ADAM18: variants seen among roughly 807,000 people sequenced by gnomAD.
The protein encoded by ADAM18 is ADAM metallopeptidase domain 18, also known as disintegrin and metalloproteinase domain-containing protein 18.
A neutral mutation model predicts 94.4 loss-of-function variants in ADAM18; 117 were observed. The ratio of observed to expected loss-of-function variants is 1.24; its 90% CI spans 1.07 to 1.45. The LOEUF (loss-of-function observed/expected upper bound fraction) is 1.45, where lower values mean the gene tolerates loss of function less well. Ranked by LOEUF, ADAM18 falls within the 40% of genes most tolerant of loss-of-function variation. The pLI is 0.00. For missense variants in ADAM18, 936 were observed against 880.0 expected (o/e 1.06, Z -0.81); for synonymous variants, 327 against 291.6 (o/e 1.12, Z -1.24).
At chr8:39,622,216 C>T (rs910645592) in intron 6 of ADAM18, among the ~76,000 whole-genome samples, 3 of 150,984 alleles carry the variant, frequency 2.0e-5, no homozygotes, top group Non-Finnish European at 3.0e-5. Context: ...CATCAGCACA[C>T]AAGGCAAAAT....
chr8:39,620,952 G>A (rs1291459014), intron 6 of ADAM18, among the ~76,000 whole-genome samples: 1 of 151,840 alleles, frequency 6.6e-6, no homozygotes, highest in Non-Finnish European at 1.5e-5. Context: ...TAAAAGCTCT[G>A]AGTTCACCAC....
intron 17 of ADAM18, among the ~76,000 whole-genome samples, chr8:39,704,760 A>C (rs1031452556): frequency 6.6e-6 from 1 of 152,070 alleles, no homozygotes; most frequent in African/African-American, 2.4e-5. Context: ...AACCTCTAAC[A>C]TTTGTGGTTT....
At position 39,668,208 on chromosome 8, in the gene ADAM18, T is replaced by G. The variant is rs746890182; in HGVS notation, c.1525+12T>G. On this transcript the variant is annotated intron_variant, in intron 14 of 19. Coordinates refer to ENST00000265707, the MANE Select transcript of ADAM18 (RefSeq NM_014237.3). The stretch of plus-strand genomic sequence containing the variant: ...GATATTTGGAAAAGGTATTGCTCTT[T>G]CTTTCGTATTTATTTTACCTTACAT... The G allele has an allele frequency of 6.2e-7, 1 of 1,612,494 alleles. No homozygotes were observed. Among genetic ancestry groups the G allele is most frequent in the East Asian group, 2.2e-5 (1 of 44,854 alleles).
chr8:39,666,125 C>T (rs1820988222), intron 13 of ADAM18, among the ~76,000 whole-genome samples: 1 of 152,152 alleles, frequency 6.6e-6, no homozygotes, highest in Admixed American at 6.5e-5. Flanking sequence ...GCAACCTCCA[C>T]CTCCTGGGCT....
intron 7 of ADAM18, among the ~76,000 whole-genome samples, chr8:39,629,681 G>T: frequency 7.0e-6 from 1 of 141,984 alleles, no homozygotes; most frequent in Non-Finnish European, 1.5e-5. Flanking sequence ...TTCTTTCCTT[G>T]CTTCCTTCCT....
chr8:39,679,922 T>A, intron 15 of ADAM18, 115 bp from the exon 16 acceptor site: 1 of 986,168 alleles, frequency 1.0e-6, no homozygotes, highest in Non-Finnish European at 1.5e-6. Flanking sequence ...CAGTTTGGCA[T>A]TTTTCAGTTG....
chr8:39,629,509 G>C (rs2129579057), intron 7 of ADAM18, 70 bp downstream of exon 7: 1 of 1,008,640 alleles, frequency 9.9e-7, no homozygotes, highest in East Asian at 2.8e-5. Flanking sequence ...TTTCCTTCTT[G>C]CATTCCTGTC....
chr8:39,610,917 TA>T, intron 6 of ADAM18: 1 of 1,215,440 alleles, frequency 8.2e-7, no homozygotes, highest in Non-Finnish European at 1.0e-6. Flanking sequence ...TATGTAACAT[TA>T]ATTTTTATAT....
At chr8:39,715,751 AG>A (rs1374548801) in intron 18 of ADAM18, among the ~76,000 whole-genome samples, 1 of 152,116 alleles carries the variant, frequency 6.6e-6, no homozygotes. Context: ...AAGATGAAAC[AG>A]ATAATTCTAA....
At chr8:39,706,648 T>C (rs1488519327) in intron 17 of ADAM18, 142 bp from the exon 18 acceptor site, 10 of 442,954 alleles carry the variant, frequency 2.3e-5, no homozygotes, top group African/African-American at 4.0e-5. Flanking sequence ...TTCTAACCTA[T>C]TTCTCACATT....
intron 12 of ADAM18, 38 bp from the exon 13 acceptor site, chr8:39,663,757 G>A: frequency 7.1e-7 from 1 of 1,406,514 alleles, no homozygotes; most frequent in Non-Finnish European, 1.0e-6. Context: ...CTTTTAAGTG[G>A]TTAAACTGTA....
intron 2 of ADAM18, among the ~76,000 whole-genome samples, chr8:39,592,103 C>A (rs1456618483): frequency 6.6e-6 from 1 of 152,148 alleles, no homozygotes; most frequent in African/African-American, 2.4e-5. Context: ...TTTGTTGTTA[C>A]ATTTCTCATC....
At chr8:39,603,744 G>A (rs560707519) in intron 2 of ADAM18, among the ~76,000 whole-genome samples, 1 of 152,112 alleles carries the variant, frequency 6.6e-6, no homozygotes, top group African/African-American at 2.4e-5. Flanking sequence ...TAATACTTAT[G>A]TGTTCAATTT....
intron 14 of ADAM18, among the ~76,000 whole-genome samples, chr8:39,674,115 G>C (rs930419973): frequency 6.6e-6 from 1 of 152,188 alleles, no homozygotes; most frequent in Non-Finnish European, 1.5e-5. Flanking sequence ...TTGGGGTGGA[G>C]AGTTCTGTAG....
intron 17 of ADAM18, among the ~76,000 whole-genome samples, chr8:39,704,512 T>A (rs921922020): frequency 6.6e-6 from 1 of 152,120 alleles, no homozygotes; most frequent in Non-Finnish European, 1.5e-5. Context: ...AACATATTTT[T>A]AAATTTTTTA....
intron 12 of ADAM18, among the ~76,000 whole-genome samples, chr8:39,653,564 C>G (rs1820599320): frequency 6.6e-6 from 1 of 152,172 alleles, no homozygotes; most frequent in African/African-American, 2.4e-5. Flanking sequence ...TGCCACATGA[C>G]TCTACAAGTA....
At chr8:39,697,690 G>C (rs1039570543) in intron 17 of ADAM18, among the ~76,000 whole-genome samples, 7 of 151,610 alleles carry the variant, frequency 4.6e-5, no homozygotes, top group African/African-American at 1.7e-4. Flanking sequence ...CCTGAAGAAA[G>C]TATGGTGGCT....
intron 2 of ADAM18, among the ~76,000 whole-genome samples, chr8:39,591,656 C>T (rs1818573090): frequency 6.6e-6 from 1 of 152,166 alleles, no homozygotes; most frequent in South Asian, 2.1e-4. Context: ...CCCTCAAAGT[C>T]ATTCATGAGA....
chr8:39,587,547 C>A (rs1818440549), intron 2 of ADAM18, among the ~76,000 whole-genome samples: 1 of 152,114 alleles, frequency 6.6e-6, no homozygotes, highest in Non-Finnish European at 1.5e-5. Context: ...TGGGCTCAAG[C>A]AATTCTTGTT....
Sources: allele counts gnomAD v4.1 joint callset (sites outside exome capture counted in the v4.1 genomes callset), GRCh38; gene constraint gnomAD v4.1.1; transcripts MANE v1.5; gene names NCBI Gene and HGNC (gene_info 2026-07-23, HGNC 2026-07-21).